Variants in TAS1R1 observed in about 807,000 individuals in gnomAD.
TAS1R1 encodes taste receptor type 1 member 1.
A neutral mutation model predicts 45.8 loss-of-function variants in TAS1R1; 31 were observed. The ratio of observed to expected loss-of-function variants is 0.68; its 90% confidence interval spans 0.51 to 0.91. The LOEUF is 0.91. Ranked by LOEUF, TAS1R1 falls within the 40% of genes least tolerant of loss-of-function variation. The pLI is 0.00. For synonymous variants in TAS1R1, 437 were observed against 448.4 expected, an observed-to-expected ratio of 0.97 and a Z score of 0.32; for missense variants, 1,051 against 1,063.9, an observed-to-expected ratio of 0.99 and a Z score of 0.17.
Position 6,571,127 on chromosome 1 carries a change from C to T in TAS1R1, c.410C>T (p.Ser137Phe). ...IELQGDLLHY[S>F]PTVLAVIGPD... ...CTCCAAGGAGACCTTCTCCACTATT[C>T]CCCTACGGTGCTGGCAGTGATTGGG... is the stretch of plus-strand genomic sequence containing the variant. Residue 137 changes from serine to phenylalanine, a missense_variant, in exon 2 of 6, where the codon TCC becomes TTC. Coordinates refer to ENST00000333172, the MANE Select transcript of TAS1R1 (RefSeq NM_138697.4). 2 of 1,613,488 alleles carry T rather than the reference C, an allele frequency of 1.2e-6. No homozygotes were observed. Among genetic ancestry groups the T allele is most frequent in the Non-Finnish European group, 1.7e-6 (2 of 1,179,644 alleles).
At chr1:6,565,932 T>C (rs1045158196) in intron 1 of TAS1R1, among the ~76,000 whole-genome samples, 4 of 152,176 alleles carry the variant, frequency 2.6e-5, no homozygotes, top group African/African-American at 7.2e-5. Context: ...AGGCTACCCA[T>C]GCCAGGGTCA....
Position 6,574,581 on chromosome 1 carries a change from T to G in TAS1R1, c.499-50T>G. On this transcript the variant is annotated intron_variant, in intron 2 of 5. Coordinates refer to ENST00000333172, the MANE Select transcript of TAS1R1 (RefSeq NM_138697.4). This position sits in a 1 kb window ranked among gnomAD's most constrained non-coding sequence, Gnocchi z 4.3. ...CCACACCCAGCACAGGGCCAGGCAC[T>G]GGGGGGGCCTTCAGTGGAGACTGAA... 1.3e-6 allele frequency: 2 copies of G among 1,556,440 alleles called. No homozygotes were observed. Among genetic ancestry groups the G allele is most frequent in the Non-Finnish European group, 1.7e-6 (2 of 1,149,220 alleles).
chr1:6,563,493 A>T (rs1453586678), intron 1 of TAS1R1, among the ~76,000 whole-genome samples: 1 of 152,248 alleles, frequency 6.6e-6, no homozygotes, highest in Admixed American at 6.5e-5. Context: ...CAATGACTGC[A>T]TGTCTAAAAG....
At position 6,564,358 on chromosome 1, in the gene TAS1R1, TGA is replaced by T. The variant is rs368926988; in HGVS notation, c.192-6543_192-6542del. On this transcript the variant is annotated intron_variant, in intron 1 of 5. Transcript: ENST00000333172. ...GCTTGTTCGTGGAGAAGATGGTGGA[TGA>T]GAGAGAGTGTTGGGAGGTATTCTCC... Among the ~76,000 whole-genome samples, 222 of 152,052 alleles carry T rather than the reference TGA, an allele frequency of 1.5e-3. 1 individual carries two copies. The highest frequency in any genetic ancestry group is 5.0e-3 in the African/African-American group (209 of 41,474).
Position 6,571,131 on chromosome 1 carries a change from T to C in TAS1R1, c.414T>C (p.Pro138=). The change falls in exon 2 of 6, where the codon CCT becomes CCC. Residue 138 remains proline, a synonymous_variant. Coordinates refer to ENST00000333172, the MANE Select transcript of TAS1R1 (RefSeq NM_138697.4). Reference sequence around the variant, plus strand: ...AAGGAGACCTTCTCCACTATTCCCCTACGGTGCTGGCAGTGATTGGGCCTG... The same window carrying C: ...AAGGAGACCTTCTCCACTATTCCCCCACGGTGCTGGCAGTGATTGGGCCTG... The part of the protein sequence containing the change: ...ELQGDLLHYS[P]TVLAVIGPDS... 6.2e-7 allele frequency: 1 copy of C among 1,613,132 alleles called. No individual in the cohort carries two copies. Among genetic ancestry groups the C allele is most frequent in the Non-Finnish European group, 8.5e-7 (1 of 1,179,462 alleles).
At chr1:6,577,752 C>T (rs1320293443) in intron 5 of TAS1R1, among the ~76,000 whole-genome samples, 2 of 152,006 alleles carry the variant, frequency 1.3e-5, no homozygotes, top group Non-Finnish European at 2.9e-5. Flanking sequence ...TGCTTGAACC[C>T]GGGAGGCGGA....
Position 6,574,967 on chromosome 1 carries a change from T to C in TAS1R1, c.835T>C (p.Leu279=), listed in dbSNP as rs771291336. ...CGTGGTTGTTTTTTCCAGCCGGCAGTTGGCCAGGGTGTTTTTCGAGTCCGT... is the reference window on the plus strand; with the variant it reads ...CGTGGTTGTTTTTTCCAGCCGGCAGCTGGCCAGGGTGTTTTTCGAGTCCGT... ...TVVVVFSSRQ[L]ARVFFESVVL... The change falls in exon 3 of 6, where the codon TTG becomes CTG. Residue 279 remains leucine (L), a synonymous_variant. Coordinates refer to ENST00000333172, the MANE Select transcript of TAS1R1 (RefSeq NM_138697.4). This position sits in a 1 kb window ranked among gnomAD's most constrained non-coding sequence, Gnocchi z 4.3. 3.1e-6 allele frequency: 5 copies of C among 1,607,556 alleles called. No individual in the cohort carries two copies. The East Asian group carries it at 8.9e-5, about 29-fold the overall frequency.
intron 1 of TAS1R1, among the ~76,000 whole-genome samples, chr1:6,560,314 GAA>G (rs769072859): frequency 2.0e-5 from 3 of 152,316 alleles, no homozygotes; most frequent in South Asian, 2.1e-4. Context: ...TTAGCCGAGA[GAA>G]AGAACAAGCA....
At chr1:6,570,841 C>T (rs1358875434) in intron 1 of TAS1R1, 68 bp from the exon 2 acceptor site, 18 of 1,434,228 alleles carry the variant, frequency 1.3e-5, no homozygotes, top group Non-Finnish European at 1.6e-5. Flanking sequence ...GCCTCAGAGT[C>T]TAGGAGGCCA....
At chr1:6,578,457 T>TC (rs1197936582) in intron 5 of TAS1R1, among the ~76,000 whole-genome samples, 196 bp from the exon 6 acceptor site, 15 of 152,170 alleles carry the variant, frequency 9.9e-5, no homozygotes, top group African/African-American at 3.6e-4. Context: ...CCTGTGTGTC[T>TC]CCAGAGTCTG....
At chr1:6,559,745 A>G (rs889445625) in intron 1 of TAS1R1, among the ~76,000 whole-genome samples, 3 of 151,234 alleles carry the variant, frequency 2.0e-5, no homozygotes, top group African/African-American at 7.3e-5. Flanking sequence ...AAGCAGGTGG[A>G]TCACCTGGGC....
At chr1:6,567,871 G>A (rs1639904191) in intron 1 of TAS1R1, among the ~76,000 whole-genome samples, 1 of 152,164 alleles carries the variant, frequency 6.6e-6, no homozygotes, top group Admixed American at 6.5e-5. Context: ...TCTTTGCCCA[G>A]TAGCCTTCTT....
rs377159613 is a variant in TAS1R1, at chr1:6,567,404, C to CA, written c.192-3499dup. Among the ~76,000 whole-genome samples, 667 of 151,980 alleles carry CA rather than the reference C, an allele frequency of 4.4e-3. 4 individuals are homozygous for CA. Among genetic ancestry groups the CA allele is most frequent in the African/African-American group, 0.015 (640 of 41,438 alleles). On this transcript the variant is annotated intron_variant, in intron 1 of 5. Transcript: ENST00000333172. ...TGAAACCCCGTCTCTACTAAAAATACAAAAAATTAGCCAGGCGTGGTGGTG... is the reference window on the plus strand; with the variant it reads ...TGAAACCCCGTCTCTACTAAAAATACAAAAAAATTAGCCAGGCGTGGTGGTG...
chr1:6,562,883 A>T (rs1192371154), intron 1 of TAS1R1, among the ~76,000 whole-genome samples: 3 of 152,146 alleles, frequency 2.0e-5, no homozygotes, highest in African/African-American at 4.8e-5. Context: ...TCATCCTCCC[A>T]CCTGCCTAGG....
At position 6,575,061 on chromosome 1, in the gene TAS1R1, C is replaced by A. The variant is rs763387396; in HGVS notation, c.929C>A (p.Thr310Asn). The A allele has an allele frequency of 6.3e-7, 1 of 1,588,978 alleles. No individual in the cohort carries two copies. The highest frequency in any genetic ancestry group is 2.2e-5 in the East Asian group (1 of 44,686). ...GCCTGGGCCCTCTCCAGGCACATCA[C>A]TGGGGTGCCCGGGATCCAGCGCATT... is the stretch of plus-strand genomic sequence containing the variant. ...SEAWALSRHITGVPGIQRIGM... is the reference protein window; with the variant it reads ...SEAWALSRHINGVPGIQRIGM... Residue 310 changes from threonine to asparagine, a missense_variant, in exon 3 of 6, where the codon ACT becomes AAT. Coordinates refer to ENST00000333172, the MANE Select transcript of TAS1R1 (RefSeq NM_138697.4).
At chr1:6,568,252 A>G (rs570489427) in intron 1 of TAS1R1, among the ~76,000 whole-genome samples, 2 of 152,166 alleles carry the variant, frequency 1.3e-5, no homozygotes, top group Non-Finnish European at 2.9e-5. Context: ...TATTGAGACC[A>G]TCCTGGCTAA....
At position 6,576,461 on chromosome 1, in the gene TAS1R1, C is replaced by A. The variant is rs1008699978; in HGVS notation, c.1307C>A (p.Thr436Asn). The stretch of plus-strand genomic sequence containing the variant: ...GTGCATTTCCTTCTACACAAGGACA[C>A]TGTGGCGTTTAATGACAACAGAGAT... The part of the protein sequence containing the change: ...HKVHFLLHKD[T>N]VAFNDNRDPL... Residue 436 changes from threonine to asparagine, a missense_variant, in exon 4 of 6, where the codon ACT (threonine) becomes AAT (asparagine). Thr to Asn is a moderately conservative substitution (Grantham distance 65). Coordinates refer to ENST00000333172, the MANE Select transcript of TAS1R1 (RefSeq NM_138697.4). The A allele has an allele frequency of 6.2e-7, 1 of 1,614,140 alleles. No homozygotes were observed. Among genetic ancestry groups the A allele is most frequent in the Non-Finnish European group, 8.5e-7 (1 of 1,180,052 alleles).
intron 3 of TAS1R1, 104 bp downstream of exon 3, chr1:6,575,496 G>A: frequency 7.8e-7 from 1 of 1,289,524 alleles, no homozygotes; most frequent in Non-Finnish European, 1.0e-6. Context: ...GGGGATAAAT[G>A]CCACTAACTT....
intron 5 of TAS1R1, 136 bp downstream of exon 5, chr1:6,577,206 T>G: frequency 7.6e-7 from 1 of 1,318,232 alleles, no homozygotes; most frequent in Admixed American, 2.5e-5. Flanking sequence ...AGCTTCAGGT[T>G]GGAGGACACC....
Sources: gnomAD v4.1 joint callset for allele counts (sites outside exome capture counted in the v4.1 genomes callset) on GRCh38, gnomAD v4.1.1 for gene constraint, Gnocchi (gnomAD v3.1) non-coding constraint, MANE v1.5 for transcripts, NCBI Gene and HGNC (gene_info 2026-07-23, HGNC 2026-07-21) for gene names.